The following ANKRD22 variants were observed in gnomAD, a reference collection of about 807,000 sequenced individuals.
ANKRD22 encodes the protein ankyrin repeat domain-containing protein 22.
A neutral mutation model predicts 25.7 loss-of-function variants in ANKRD22; 24 were observed. The observed-to-expected ratio is 0.93, with a 90% confidence interval of 0.68 to 1.31. ANKRD22 has a LOEUF of 1.31. Ranked by LOEUF, ANKRD22 falls within the 50% of genes most tolerant of loss-of-function variation. ANKRD22 has a pLI of 0.00. For missense variants in ANKRD22, 214 were observed against 227.1 expected (o/e 0.94, Z 0.37); for synonymous variants, 84 against 84.3 (o/e 1.00, Z 0.02).
intron 4 of ANKRD22, among the ~76,000 whole-genome samples, chr10:88,825,049 C>G (rs990690660): frequency 1.6e-5 from 2 of 126,166 alleles, no homozygotes; most frequent in Non-Finnish European, 3.6e-5. Context: ...ACACAACTGC[C>G]TGCATTTAAA....
chr10:88,832,145 G>T, intron 1 of ANKRD22, 119 bp from the exon 2 acceptor site: 2 of 1,113,294 alleles, frequency 1.8e-6, no homozygotes, highest in Non-Finnish European at 2.5e-6. Flanking sequence ...GTAATATATT[G>T]CTTTGCAGGT....
chr10:88,844,673 C>A (rs1019544095), intron 1 of ANKRD22, among the ~76,000 whole-genome samples: 2 of 151,038 alleles, frequency 1.3e-5, no homozygotes, highest in African/African-American at 4.9e-5. Context: ...CCCTTTTATG[C>A]CTTCTTATCT....
At chr10:88,847,653 G>C (rs998562249) in intron 1 of ANKRD22, among the ~76,000 whole-genome samples, 3 of 123,148 alleles carry the variant, frequency 2.4e-5, no homozygotes, top group African/African-American at 1.2e-4. Context: ...ATACATAAAT[G>C]CTTCCTTTTT....
At chr10:88,828,740 A>C in intron 2 of ANKRD22, 74 bp from the exon 3 acceptor site, 1 of 1,161,600 alleles carries the variant, frequency 8.6e-7, no homozygotes, top group Non-Finnish European at 1.2e-6. Context: ...CCATCTCAAA[A>C]AGTTTAGTTT....
chr10:88,838,402 T>C (rs1843975142), intron 1 of ANKRD22, among the ~76,000 whole-genome samples: 1 of 152,122 alleles, frequency 6.6e-6, no homozygotes. Context: ...TAAAGACAAA[T>C]GAACTTGCAA....
intron 1 of ANKRD22, among the ~76,000 whole-genome samples, chr10:88,849,146 T>C (rs1844080868): frequency 6.6e-6 from 1 of 152,138 alleles, no homozygotes; most frequent in African/African-American, 2.4e-5. Flanking sequence ...TGTCTGCAAC[T>C]GAAGAGACCA....
At chr10:88,833,428 T>C (rs769762565) in intron 1 of ANKRD22, among the ~76,000 whole-genome samples, 3 of 152,160 alleles carry the variant, frequency 2.0e-5, no homozygotes, top group Non-Finnish European at 2.9e-5. Context: ...GTAAAATGTA[T>C]CTGTCAAGTG....
intron 1 of ANKRD22, among the ~76,000 whole-genome samples, chr10:88,839,607 A>C (rs1843985986): frequency 6.6e-6 from 1 of 152,176 alleles, no homozygotes; most frequent in South Asian, 2.1e-4. Context: ...TTGGCCTTAA[A>C]TGAGCTAGTG....
chr10:88,848,140 A>C (rs1052918465), intron 1 of ANKRD22, among the ~76,000 whole-genome samples: 1 of 149,298 alleles, frequency 6.7e-6, no homozygotes, highest in Non-Finnish European at 1.5e-5. Context: ...GATGCCCAAC[A>C]TATATGCGTG....
At chr10:88,839,588 A>G (rs150477526) in intron 1 of ANKRD22, among the ~76,000 whole-genome samples, 61 of 152,286 alleles carry the variant, frequency 4.0e-4, no homozygotes, top group African/African-American at 1.4e-3. Context: ...CAGAACCTCA[A>G]GCAGCTCATT....
chr10:88,826,255 G>A (rs1355322301), intron 3 of ANKRD22, 140 bp from the exon 4 acceptor site: 2 of 665,634 alleles, frequency 3.0e-6, no homozygotes, highest in Admixed American at 6.2e-5. Flanking sequence ...ATTTCCCCCA[G>A]CTTCTCACTC....
chr10:88,823,046 T>A (rs1457841203), intron 5 of ANKRD22, 28 bp from the exon 6 acceptor site: 2 of 1,596,246 alleles, frequency 1.3e-6, no homozygotes, highest in Non-Finnish European at 1.7e-6. Flanking sequence ...TACAGTTATT[T>A]CCAATAGAGT....
intron 1 of ANKRD22, among the ~76,000 whole-genome samples, chr10:88,843,308 C>T (rs200060723): frequency 6.6e-6 from 1 of 152,106 alleles, no homozygotes; most frequent in East Asian, 1.9e-4. Context: ...GACCTCATCC[C>T]ACCTTGTTTT....
intron 1 of ANKRD22, among the ~76,000 whole-genome samples, chr10:88,844,435 A>G (rs1844029969): frequency 6.6e-6 from 1 of 152,132 alleles, no homozygotes; most frequent in South Asian, 2.1e-4. Context: ...TATGTAAACC[A>G]TTTTGTTGTA....
intron 1 of ANKRD22, among the ~76,000 whole-genome samples, chr10:88,843,411 G>A (rs890380421): frequency 6.6e-6 from 1 of 152,090 alleles, no homozygotes; most frequent in African/African-American, 2.4e-5. Flanking sequence ...TCCTCATCAC[G>A]CCTAATCTTA....
At chr10:88,841,254 A>G (rs1844001573) in intron 1 of ANKRD22, among the ~76,000 whole-genome samples, 1 of 152,104 alleles carries the variant, frequency 6.6e-6, no homozygotes, top group Admixed American at 6.6e-5. Flanking sequence ...AGAAAATGGC[A>G]AATCAGAAGC....
At chr10:88,823,691 G>A (rs1378281743) in intron 4 of ANKRD22, among the ~76,000 whole-genome samples, 1 of 151,030 alleles carries the variant, frequency 6.6e-6, no homozygotes, top group Non-Finnish European at 1.5e-5. Flanking sequence ...AGCCGGGCGC[G>A]GTGGCGGGTG....
At chr10:88,827,126 T>C (rs1843862767) in intron 3 of ANKRD22, among the ~76,000 whole-genome samples, 1 of 152,208 alleles carries the variant, frequency 6.6e-6, no homozygotes, top group Non-Finnish European at 1.5e-5. Flanking sequence ...AGTTCAACCC[T>C]GTCATCACCT....
intron 1 of ANKRD22, among the ~76,000 whole-genome samples, chr10:88,847,759 A>G (rs1324715369): frequency 6.6e-6 from 1 of 151,842 alleles, no homozygotes; most frequent in Non-Finnish European, 1.5e-5. Flanking sequence ...CAAAACAAAA[A>G]CAAAATAAAA....
Sources: gnomAD v4.1 joint callset for allele counts (sites outside exome capture counted in the v4.1 genomes callset) on GRCh38, gnomAD v4.1.1 for gene constraint, MANE v1.5 for transcripts, NCBI Gene and HGNC (gene_info 2026-07-23, HGNC 2026-07-21) for gene names.